Variants in BCL2 observed in about 807,000 individuals in gnomAD.
The protein encoded by BCL2 is apoptosis regulator Bcl-2.
BCL2 carries 1 observed loss-of-function variant against 14.2 expected under a neutral mutation model. The ratio of observed to expected loss-of-function variants is 0.07; its 90% CI spans 0.02 to 0.33. BCL2 has a LOEUF of 0.33. Ranked by LOEUF, BCL2 falls within the 10% of genes least tolerant of loss-of-function variation. BCL2 has a pLI of 0.99. For missense variants in BCL2, 247 were observed against 305.9 expected (o/e 0.81, Z 1.44); for synonymous variants, 151 against 137.2 (o/e 1.10, Z -0.70).
intron 2 of BCL2, among the ~76,000 whole-genome samples, chr18:63,157,392 C>T (rs1914811772): frequency 6.6e-6 from 1 of 152,234 alleles, no homozygotes; most frequent in Admixed American, 6.5e-5. Context: ...GAGGATGCAT[C>T]ACTAAGTATT....
intron 2 of BCL2, among the ~76,000 whole-genome samples, chr18:63,171,037 T>G (rs1915209136): frequency 6.6e-6 from 1 of 152,252 alleles, no homozygotes; most frequent in Non-Finnish European, 1.5e-5. Context: ...GTAAAATATA[T>G]AAATTCAGCT....
chr18:63,205,658 T>TA (rs999197938), intron 2 of BCL2, among the ~76,000 whole-genome samples: 3 of 151,970 alleles, frequency 2.0e-5, no homozygotes, highest in Admixed American at 6.5e-5. Flanking sequence ...CTCCTCTATT[T>TA]AAAAAAACAA....
At chr18:63,237,032 A>G (rs1033201714) in intron 2 of BCL2, among the ~76,000 whole-genome samples, 2 of 152,210 alleles carry the variant, frequency 1.3e-5, no homozygotes, top group African/African-American at 4.8e-5. Flanking sequence ...TCCTGGCCAC[A>G]TCACAGCTAT....
chr18:63,213,229 C>A (rs1910096992), intron 2 of BCL2, among the ~76,000 whole-genome samples: 1 of 152,150 alleles, frequency 6.6e-6, no homozygotes, highest in Non-Finnish European at 1.5e-5. Context: ...CCATTTGCAG[C>A]CAATTGTTAC....
chr18:63,169,285 TTTC>T (rs1568222342), intron 2 of BCL2, among the ~76,000 whole-genome samples: 1 of 73,012 alleles, frequency 1.4e-5, no homozygotes, highest in Non-Finnish European at 2.4e-5. Flanking sequence ...TCTTTCTTTC[TTTC>T]TTTCTTTCTT....
chr18:63,203,240 ACTC>A (rs750121809), intron 2 of BCL2, among the ~76,000 whole-genome samples: 11 of 151,986 alleles, frequency 7.2e-5, no homozygotes, highest in Non-Finnish European at 1.6e-4. Context: ...ATTTAAAAAA[ACTC>A]CTCTTTTCTG....
chr18:63,153,736 G>T (rs1014383043), intron 2 of BCL2, among the ~76,000 whole-genome samples: 4 of 152,100 alleles, frequency 2.6e-5, no homozygotes, highest in Non-Finnish European at 4.4e-5. Context: ...AAGAACATCG[G>T]ACCTTGTACT....
chr18:63,125,987 A>T lies in BCL2; in HGVS notation c.*2638T>A, dbSNP rs1484634589. 4.6e-6 allele frequency: 1 copy of T among 215,258 alleles called. No homozygotes were observed. Among genetic ancestry groups the T allele is most frequent in the African/African-American group, 2.3e-5 (1 of 44,264 alleles). The allele number at this position is 215,258 out of a possible 1,614,324, so 13.3% of individuals were successfully genotyped here. On this transcript the variant is annotated 3_prime_UTR_variant, in exon 3 of 3. Coordinates refer to ENST00000333681, the MANE Select transcript of BCL2 (RefSeq NM_000633.3). ...CAAAAGACAAAACAGGCTTTATATT[A>T]AAAACGTCCACGTTCTTCATTGTTA...
At chr18:63,165,071 T>TAATA (rs138982454) in intron 2 of BCL2, among the ~76,000 whole-genome samples, 1,548 of 152,094 alleles carry the variant, frequency 0.01, 21 homozygotes, top group African/African-American at 0.035. Flanking sequence ...TAAAGTATAA[T>TAATA]AATAAATAAA....
Position 63,134,759 on chromosome 18 carries a change from T to C in BCL2, c.586-6000A>G, listed in dbSNP as rs536926688. 3.3e-5 allele frequency among the ~76,000 whole-genome samples: 5 copies of C among 152,340 alleles called. No homozygotes were observed. The South Asian group carries it at 1.0e-3, about 32-fold the overall frequency. ...TAAACTAAATCAATGGGTGCCGCCATTTTGTTCCTGCAGACTGCAGAGTCT... is the reference window on the plus strand; with the variant it reads ...TAAACTAAATCAATGGGTGCCGCCACTTTGTTCCTGCAGACTGCAGAGTCT... On this transcript the variant is annotated intron_variant, in intron 2 of 2. Transcript: ENST00000333681.
chr18:63,210,630 C>G (rs1909972542), intron 2 of BCL2, among the ~76,000 whole-genome samples: 1 of 152,196 alleles, frequency 6.6e-6, no homozygotes, highest in South Asian at 2.1e-4. Flanking sequence ...ATGAAAGACG[C>G]TGGATGAAAA....
intron 2 of BCL2, among the ~76,000 whole-genome samples, chr18:63,171,950 C>T (rs570435138): frequency 6.6e-6 from 1 of 152,316 alleles, no homozygotes; most frequent in South Asian, 2.1e-4. Context: ...CACTGCACTC[C>T]AGCCTGGGTG....
At chr18:63,281,610 T>A (rs1416167034) in intron 2 of BCL2, among the ~76,000 whole-genome samples, 1 of 150,692 alleles carries the variant, frequency 6.6e-6, no homozygotes. Context: ...AAGGCTGCAG[T>A]GAGCCATGTT....
In BCL2 at chr18:63,177,067, C is replaced by T. The variant is rs575928263; in HGVS notation, c.586-48308G>A. On this transcript the variant is annotated intron_variant, in intron 2 of 2. Coordinates refer to ENST00000333681, the MANE Select transcript of BCL2 (RefSeq NM_000633.3). ...GAGTAGCTGGGACCACAGGTGCACA[C>T]CCCCACGCCCATGTAATTTTTCTAT... Among the ~76,000 whole-genome samples, 3 of 152,086 alleles carry T rather than the reference C, an allele frequency of 2.0e-5. No homozygotes were observed. The East Asian group carries it at 5.8e-4, about 29-fold the overall frequency.
At chr18:63,160,248 G>A (rs1010325326) in intron 2 of BCL2, among the ~76,000 whole-genome samples, 1 of 152,192 alleles carries the variant, frequency 6.6e-6, no homozygotes, top group Non-Finnish European at 1.5e-5. Context: ...AGGTTTTGAA[G>A]ATGGTGCGTG....
At chr18:63,274,217 T>C (rs1262059249) in intron 2 of BCL2, among the ~76,000 whole-genome samples, 5 of 152,032 alleles carry the variant, frequency 3.3e-5, no homozygotes, top group Admixed American at 3.3e-4. Context: ...TATCTGGGAC[T>C]TGCTGGTAAA....
chr18:63,239,665 G>C (rs1186193418), intron 2 of BCL2, among the ~76,000 whole-genome samples: 1 of 151,934 alleles, frequency 6.6e-6, no homozygotes, highest in Non-Finnish European at 1.5e-5. Context: ...GCTTGAACCC[G>C]AGAGGTGGAG....
chr18:63,189,360 G>A (rs1334992682), intron 2 of BCL2, among the ~76,000 whole-genome samples: 1 of 152,116 alleles, frequency 6.6e-6, no homozygotes, highest in Non-Finnish European at 1.5e-5. Flanking sequence ...ATAGTTCCTT[G>A]TAGTTATCTT....
At chr18:63,148,210 A>G (rs1208311768) in intron 2 of BCL2, among the ~76,000 whole-genome samples, 2 of 152,230 alleles carry the variant, frequency 1.3e-5, no homozygotes, top group African/African-American at 4.8e-5. Context: ...TTTGGAACCA[A>G]AAGAGAAGAA....
Sources: allele counts gnomAD v4.1 joint callset (sites outside exome capture counted in the v4.1 genomes callset), GRCh38; gene constraint gnomAD v4.1.1; transcripts MANE v1.5; gene names NCBI Gene and HGNC (gene_info 2026-07-23, HGNC 2026-07-21).